The following ZNF264 variants were observed in gnomAD, a reference collection of about 807,000 sequenced individuals.
ZNF264 encodes the protein zinc finger protein 264.
A neutral mutation model predicts 11.2 loss-of-function variants in ZNF264; 11 were observed. The observed-to-expected ratio is 0.98, with a 90% CI of 0.62 to 1.63. ZNF264 has a LOEUF of 1.63. ZNF264 is among the 40% of genes most tolerant of loss of function. The pLI is 0.00. For missense variants in ZNF264, 752 were observed against 768.1 expected (o/e 0.98, Z 0.25); for synonymous variants, 309 against 279.8 (o/e 1.10, Z -1.04).
At position 57,215,445 on chromosome 19, in the gene ZNF264, C is replaced by T. The variant is rs1453968794; in HGVS notation, c.*2464C>T. The stretch of plus-strand genomic sequence containing the variant: ...GACATTTATCAGTTTTATTGCGCAT[C>T]ATGCTGAAAGATGTAATTTTTGCTT... On this transcript the variant is annotated 3_prime_UTR_variant, in exon 4 of 4. Transcript: ENST00000263095. The T allele has an allele frequency of 1.3e-5, 2 of 152,124 alleles. No individual in the cohort carries two copies. The highest frequency in any genetic ancestry group is 4.8e-5 in the African/African-American group (2 of 41,434). The allele number at this position is 152,124 out of a possible 1,614,324, so 9.4% of individuals were successfully genotyped here.
chr19:57,209,578 G>GT (rs1378433690), intron 3 of ZNF264, among the ~76,000 whole-genome samples: 7 of 152,054 alleles, frequency 4.6e-5, no homozygotes, highest in African/African-American at 1.7e-4. Context: ...TGTATTTGGG[G>GT]TTTTTTGTTT....
rs1219551416 is a variant in ZNF264 at position 57,218,976 on chromosome 19, A to G, written c.*5995A>G. 6.6e-6 allele frequency: 1 copy of G among 152,206 alleles called. No homozygotes were observed. Among genetic ancestry groups the G allele is most frequent in the African/African-American group, 2.4e-5 (1 of 41,450 alleles). The allele number at this position is 152,206 out of a possible 1,614,324, so 9.4% of individuals were successfully genotyped here. A position where few individuals can be genotyped will look rare whatever the true frequency, so the allele number is the denominator to read the frequency against. On this transcript the variant is annotated 3_prime_UTR_variant, in exon 4 of 4. Coordinates refer to ENST00000263095, the MANE Select transcript of ZNF264 (RefSeq NM_003417.5). The stretch of plus-strand genomic sequence containing the variant: ...AACTATCTGGGGGAATAGAAAGCCC[A>G]CAGTCTTCTGAGTTGTGCTACACCA...
intron 3 of ZNF264, among the ~76,000 whole-genome samples, chr19:57,207,809 C>T (rs545066496): frequency 5.4e-4 from 82 of 151,976 alleles, no homozygotes; most frequent in Non-Finnish European, 9.4e-4. Flanking sequence ...TTACTGCAAC[C>T]TCCGCCTCCC....
chr19:57,202,532 T>C (rs2087260921), intron 2 of ZNF264, among the ~76,000 whole-genome samples: 1 of 151,842 alleles, frequency 6.6e-6, no homozygotes, highest in Non-Finnish European at 1.5e-5. Context: ...CTAACGTTCC[T>C]CCACCTTTCT....
At chr19:57,194,759 C>CT (rs988473895) in intron 2 of ZNF264, 3 of 399,952 alleles carry the variant, frequency 7.5e-6, no homozygotes, top group Non-Finnish European at 4.4e-6. Flanking sequence ...ATGTTGATCT[C>CT]TTTTGGCAGC....
At position 57,214,094 on chromosome 19, in the gene ZNF264, T is replaced by C. The variant is rs969150277; in HGVS notation, c.*1113T>C. ...TTGTTTTGCTACCCTGCAACCTTAT[T>C]GAGTTCACTTATTATTTTTAGCTAT... On this transcript the variant is annotated 3_prime_UTR_variant, in exon 4 of 4. Transcript: ENST00000263095. 24 of 152,216 alleles carry C rather than the reference T, an allele frequency of 1.6e-4. No homozygotes were observed. The highest frequency in any genetic ancestry group is 5.8e-4 in the African/African-American group (24 of 41,464). The allele number at this position is 152,216 out of a possible 1,614,324, so 9.4% of individuals were successfully genotyped here.
intron 3 of ZNF264, among the ~76,000 whole-genome samples, chr19:57,208,148 C>T (rs1184888864): frequency 2.6e-5 from 4 of 152,234 alleles, no homozygotes; most frequent in African/African-American, 9.6e-5. Flanking sequence ...AGCCACTATG[C>T]CCAGCCTCGA....
chr19:57,207,545 C>CTTTTTTTTTTTTTTT (rs757880568), intron 3 of ZNF264, among the ~76,000 whole-genome samples: 198 of 102,936 alleles, frequency 1.9e-3, no homozygotes, highest in Non-Finnish European at 2.6e-3. Context: ...TTTTTCTTTT[C>CTTTTTTTTTTTTTTT]TTTTTTTTTT....
chr19:57,213,002 T>C lies in ZNF264; in HGVS notation c.*21T>C. On this transcript the variant is annotated 3_prime_UTR_variant, in exon 4 of 4. Transcript: ENST00000263095. ...TGTGAGAAAACCTTCTGTTGCTGAA[T>C]ATTACTTGTCATCTGAAGAGTCATA... 6.3e-7 allele frequency: 1 copy of C among 1,587,182 alleles called. No homozygotes were observed. The highest frequency in any genetic ancestry group is 8.6e-7 in the Non-Finnish European group (1 of 1,165,458).
chr19:57,199,225 G>A (rs185570303), intron 2 of ZNF264, among the ~76,000 whole-genome samples: 3 of 151,914 alleles, frequency 2.0e-5, no homozygotes, highest in Non-Finnish European at 2.9e-5. Flanking sequence ...TTAAATTTTT[G>A]TAGGTGAGTG....
rs369112748 is a variant in ZNF264, at chr19:57,199,845, CA to C, written c.161-5551del. On this transcript the variant is annotated intron_variant, in intron 2 of 3. Coordinates refer to ENST00000263095, the MANE Select transcript of ZNF264 (RefSeq NM_003417.5). ...ATATTATCTTGCCTGGCAACTGCCT[CA>C]GGGGAGGCCATCACTGTTGCCTCAG... 2.2e-3 allele frequency among the ~76,000 whole-genome samples: 336 copies of C among 151,898 alleles called. 10 individuals are homozygous for C. The highest frequency in any genetic ancestry group is 8.0e-3 in the African/African-American group (329 of 41,218).
intron 2 of ZNF264, 93 bp from the exon 3 acceptor site, chr19:57,205,304 G>A (rs2087283508): frequency 8.2e-7 from 1 of 1,217,610 alleles, no homozygotes; most frequent in Non-Finnish European, 1.2e-6. Flanking sequence ...TCACTCCAAG[G>A]TCTGGTCTCC....
chr19:57,202,785 G>A (rs1477826718), intron 2 of ZNF264, among the ~76,000 whole-genome samples: 1 of 151,752 alleles, frequency 6.6e-6, no homozygotes, highest in Non-Finnish European at 1.5e-5. Flanking sequence ...TGAGTTCCGT[G>A]AGCTGCTCCA....
At chr19:57,206,304 C>G (rs1265007659) in intron 3 of ZNF264, among the ~76,000 whole-genome samples, 1 of 152,052 alleles carries the variant, frequency 6.6e-6, no homozygotes, top group Non-Finnish European at 1.5e-5. Flanking sequence ...AGTGCAGTGG[C>G]ACAGTCTCGG....
chr19:57,198,149 T>TG (rs1331486671), intron 2 of ZNF264, among the ~76,000 whole-genome samples: 1 of 152,058 alleles, frequency 6.6e-6, no homozygotes, highest in African/African-American at 2.4e-5. Context: ...AAAAGGCATT[T>TG]GCCAAGTCAG....
intron 2 of ZNF264, among the ~76,000 whole-genome samples, chr19:57,203,833 G>A (rs771294736): frequency 8.5e-5 from 13 of 152,110 alleles, no homozygotes; most frequent in Non-Finnish European, 1.9e-4. Context: ...CCTCCTTAGT[G>A]TGGTGTTTGG....
At position 57,191,795 on chromosome 19, in the gene ZNF264, G is replaced by T; in HGVS notation, c.-119G>T. 1.4e-6 allele frequency: 1 copy of T among 735,936 alleles called. No homozygotes were observed. Among genetic ancestry groups the T allele is most frequent in the Non-Finnish European group, 1.9e-6 (1 of 533,456 alleles). The allele number at this position is 735,936 out of a possible 1,614,324, so 45.6% of individuals were successfully genotyped here. On this transcript the variant is annotated 5_prime_UTR_variant, in exon 1 of 4. Coordinates refer to ENST00000263095, the MANE Select transcript of ZNF264 (RefSeq NM_003417.5). ...CTGGAACGCCGTTGCCACCGAGGAG[G>T]CGGCGGCCCCGAGCGCGCCTGGAAG...
chr19:57,192,010 G>T (rs971165921), intron 1 of ZNF264, 64 bp downstream of exon 1: 2 of 1,420,362 alleles, frequency 1.4e-6, no homozygotes, highest in Admixed American at 2.6e-5. Flanking sequence ...TTCCGAAGTG[G>T]GTGGGAGCCC....
At chr19:57,208,670 T>G (rs1344071985) in intron 3 of ZNF264, among the ~76,000 whole-genome samples, 1 of 152,246 alleles carries the variant, frequency 6.6e-6, no homozygotes, top group Non-Finnish European at 1.5e-5. Context: ...GTATTTCATT[T>G]TCCACTTGTG....
Sources: allele counts gnomAD v4.1 joint callset (sites outside exome capture counted in the v4.1 genomes callset), GRCh38; gene constraint gnomAD v4.1.1; transcripts MANE v1.5; gene names NCBI Gene and HGNC (gene_info 2026-07-23, HGNC 2026-07-21).